BANK1: variants seen among roughly 807,000 people sequenced by gnomAD.
BANK1 encodes B cell scaffold protein with ankyrin repeats 1.
BANK1 carries 95 observed loss-of-function variants against 94.5 expected under a neutral mutation model. The observed-to-expected ratio is 1.00, with a 90% CI of 0.85 to 1.19. The LOEUF (loss-of-function observed/expected upper bound fraction) is 1.19, where lower values mean the gene tolerates loss of function less well. Among genes scored for constraint, BANK1 ranks in the 50% most tolerant of loss-of-function variants. BANK1 has a pLI of 0.00. For missense variants in BANK1, 987 were observed against 932.2 expected (o/e 1.06, Z -0.77); for synonymous variants, 334 against 308.4 (o/e 1.08, Z -0.87).
intron 7 of BANK1, among the ~76,000 whole-genome samples, chr4:102,015,307 G>T (rs1726657491): frequency 6.6e-6 from 1 of 151,686 alleles, no homozygotes. Context: ...TTTGTACTTT[G>T]TTATTCTGCA....
At chr4:102,052,804 T>C (rs140713133) in intron 11 of BANK1, among the ~76,000 whole-genome samples, 3 of 152,250 alleles carry the variant, frequency 2.0e-5, no homozygotes, top group African/African-American at 7.2e-5. Flanking sequence ...AAAGAAAATG[T>C]CAGAAAAGTT....
At chr4:101,891,984 A>G (rs1303511554) in intron 5 of BANK1, among the ~76,000 whole-genome samples, 2 of 151,708 alleles carry the variant, frequency 1.3e-5, no homozygotes, top group African/African-American at 4.8e-5. Context: ...TAATTCTAAC[A>G]TCTTTGTCCT....
chr4:101,799,058 T>A (rs1039094840), intron 1 of BANK1, among the ~76,000 whole-genome samples: 5 of 152,198 alleles, frequency 3.3e-5, no homozygotes, highest in African/African-American at 9.7e-5. Context: ...CTGAATGGTA[T>A]TGCCTAGGTT....
chr4:101,980,336 C>T (rs1291970503), intron 7 of BANK1, among the ~76,000 whole-genome samples: 1 of 151,418 alleles, frequency 6.6e-6, no homozygotes, highest in African/African-American at 2.4e-5. Flanking sequence ...TTATTTTTTT[C>T]CTGAGTATCA....
chr4:102,040,187 T>C (rs1727658158), intron 10 of BANK1, among the ~76,000 whole-genome samples: 2 of 152,052 alleles, frequency 1.3e-5, no homozygotes. Context: ...ACTCATTAAA[T>C]TTCACCTTCT....
chr4:101,869,644 C>T (rs1238578655), intron 4 of BANK1, among the ~76,000 whole-genome samples: 1 of 151,796 alleles, frequency 6.6e-6, no homozygotes, highest in Non-Finnish European at 1.5e-5. Context: ...ATATTCAAAG[C>T]TCTTATATTT....
intron 11 of BANK1, among the ~76,000 whole-genome samples, chr4:102,045,513 C>A (rs1727850674): frequency 6.6e-6 from 1 of 152,116 alleles, no homozygotes; most frequent in Non-Finnish European, 1.5e-5. Flanking sequence ...TCCCTGTTTG[C>A]AGACGACATG....
intron 7 of BANK1, among the ~76,000 whole-genome samples, chr4:101,991,460 T>C (rs1031870518): frequency 6.6e-6 from 1 of 152,218 alleles, no homozygotes; most frequent in Non-Finnish European, 1.5e-5. Flanking sequence ...GTTTTTTACT[T>C]TTTACATGAG....
chr4:102,071,154 T>G, intron 13 of BANK1, 121 bp from the exon 14 acceptor site: 2 of 1,116,732 alleles, frequency 1.8e-6, no homozygotes, highest in African/African-American at 1.6e-5. Flanking sequence ...TAGATCAGAA[T>G]GTGAGATTTC....
intron 2 of BANK1, among the ~76,000 whole-genome samples, chr4:101,841,495 T>A (rs1727042787): frequency 6.6e-6 from 1 of 152,074 alleles, no homozygotes; most frequent in Non-Finnish European, 1.5e-5. Flanking sequence ...GATGATATAT[T>A]GACAACTATT....
At chr4:101,847,378 T>C (rs1284086614) in intron 2 of BANK1, among the ~76,000 whole-genome samples, 1 of 152,116 alleles carries the variant, frequency 6.6e-6, no homozygotes, top group African/African-American at 2.4e-5. Context: ...TTAGTTTTTT[T>C]TACTATTATT....
chr4:102,031,286 G>A (rs1727298851), intron 10 of BANK1, among the ~76,000 whole-genome samples: 1 of 151,858 alleles, frequency 6.6e-6, no homozygotes, highest in South Asian at 2.1e-4. Flanking sequence ...TTTGATGGGG[G>A]GTTGTTTTTT....
At chr4:101,799,882 GTAAA>G (rs1211286189) in intron 1 of BANK1, among the ~76,000 whole-genome samples, 2 of 151,606 alleles carry the variant, frequency 1.3e-5, no homozygotes, top group African/African-American at 2.4e-5. Context: ...TCAAAAATAA[GTAAA>G]TAAATAAATA....
chr4:102,061,520 C>A (rs1473749981), intron 12 of BANK1: 1 of 152,238 alleles, frequency 6.6e-6, no homozygotes, highest in Non-Finnish European at 1.5e-5. Context: ...ATGTCAATGT[C>A]ATCACCAATA....
At chr4:102,056,597 A>C (rs1728235216) in intron 11 of BANK1, among the ~76,000 whole-genome samples, 1 of 152,194 alleles carries the variant, frequency 6.6e-6, no homozygotes, top group Admixed American at 6.5e-5. Context: ...CGTTTACGAT[A>C]CCTGTTTCTG....
chr4:102,058,580 T>G (rs1029412985), intron 11 of BANK1, among the ~76,000 whole-genome samples: 1 of 152,002 alleles, frequency 6.6e-6, no homozygotes, highest in African/African-American at 2.4e-5. Flanking sequence ...ACAGGTTGCA[T>G]GTTTTGGTTT....
chr4:102,043,869 C>T lies in BANK1; in HGVS notation c.1931C>T (p.Ser644Phe). 1 of 1,603,496 alleles carries T rather than the reference C, an allele frequency of 6.2e-7. No homozygotes were observed. Among genetic ancestry groups the T allele is most frequent in the Non-Finnish European group, 8.5e-7 (1 of 1,171,726 alleles). Residue 644 changes from serine (S) to phenylalanine (F), a missense_variant, in exon 11 of 17, where the codon TCT becomes TTT. Ser to Phe is a radical substitution (Grantham distance 155). Transcript: ENST00000322953. ...CAACAAAAGACAGCCAGAAGACAAT[C>T]TGATGATGACAAGTTCTGTGGTCTT... Reference protein sequence around the residue: ...VFQQKTARRQSDDDKFCGLPK... With the variant: ...VFQQKTARRQFDDDKFCGLPK...
chr4:102,000,129 GCCTGACCAA>G (rs1726010956), intron 7 of BANK1, among the ~76,000 whole-genome samples: 1 of 152,000 alleles, frequency 6.6e-6, no homozygotes, highest in African/African-American at 2.4e-5. Context: ...TTTGAGACCA[GCCTGACCAA>G]CATGGTGAAA....
Position 101,825,772 on chromosome 4 carries a change from T to C in BANK1, c.71-4036T>C, listed in dbSNP as rs561551259. Among the ~76,000 whole-genome samples the C allele has an allele frequency of 5.9e-5, 9 of 152,206 alleles. No homozygotes were observed. In the East Asian group the frequency reaches 1.7e-3, roughly 29 times the overall value. On this transcript the variant is annotated intron_variant, in intron 1 of 16. Transcript: ENST00000322953. ...ATCTGTAGAGAAGAAAGGAATGATA[T>C]TTGATGTCAAATTCAGGTTTTTGAG...
Sources: gnomAD v4.1 joint callset for allele counts (sites outside exome capture counted in the v4.1 genomes callset) on GRCh38, gnomAD v4.1.1 for gene constraint, MANE v1.5 for transcripts, NCBI Gene and HGNC (gene_info 2026-07-23, HGNC 2026-07-21) for gene names.